NUSAP1: variants seen among roughly 807,000 people sequenced by gnomAD.
NUSAP1 encodes nucleolar and spindle associated protein 1.
In NUSAP1, 32 loss-of-function variants were observed where a neutral mutation model predicts 52.8. That is an observed-to-expected ratio of 0.61 (90% CI 0.46 to 0.81). NUSAP1 has a LOEUF of 0.81. Among genes scored for constraint, NUSAP1 ranks in the 40% least tolerant of loss-of-function variants. NUSAP1 has a pLI of 0.00. For missense variants in NUSAP1, 499 were observed against 522.3 expected, an observed-to-expected ratio of 0.96 and a Z score of 0.43; for synonymous variants, 195 against 183.1, an observed-to-expected ratio of 1.06 and a Z score of -0.52.
At chr15:41,344,971 A>G (rs1229676945) in intron 2 of NUSAP1, among the ~76,000 whole-genome samples, 1 of 152,084 alleles carries the variant, frequency 6.6e-6, no homozygotes, top group Non-Finnish European at 1.5e-5. Flanking sequence ...CACCGCACTT[A>G]TTTTTGCACC....
At chr15:41,358,950 G>A (rs968229316) in intron 6 of NUSAP1, among the ~76,000 whole-genome samples, 4 of 152,028 alleles carry the variant, frequency 2.6e-5, no homozygotes, top group East Asian at 1.9e-4. Context: ...CAGCTCCCTC[G>A]AGGGCTTTCA....
chr15:41,337,673 C>G (rs557171311), intron 1 of NUSAP1, among the ~76,000 whole-genome samples: 3 of 152,252 alleles, frequency 2.0e-5, no homozygotes, highest in Non-Finnish European at 4.4e-5. Context: ...TCCCTCTCTC[C>G]CCTCACCTGT....
chr15:41,380,037 TA>T (rs2050146606), intron 10 of NUSAP1, 55 bp from the exon 11 acceptor site: 1 of 1,306,076 alleles, frequency 7.7e-7, no homozygotes, highest in South Asian at 1.3e-5. Context: ...ATAGTTGCTT[TA>T]AAGTATCTGT....
intron 1 of NUSAP1, among the ~76,000 whole-genome samples, chr15:41,339,331 G>T (rs2048288215): frequency 6.6e-6 from 1 of 151,464 alleles, no homozygotes; most frequent in Admixed American, 6.6e-5. Flanking sequence ...TTAATATAGA[G>T]AAACCAAATA....
At chr15:41,359,608 G>A (rs540317238) in intron 6 of NUSAP1, among the ~76,000 whole-genome samples, 2 of 150,618 alleles carry the variant, frequency 1.3e-5, no homozygotes, top group South Asian at 2.1e-4. Context: ...TAAAACCACT[G>A]TTACAACCAT....
chr15:41,371,709 A>T (rs371919178), intron 8 of NUSAP1, 25 bp downstream of exon 8: 10 of 1,568,234 alleles, frequency 6.4e-6, no homozygotes, highest in Non-Finnish European at 8.6e-6. Flanking sequence ...AAACAAAAGA[A>T]ATCTGTTTCA....
chr15:41,377,698 C>CA (rs567198834), intron 10 of NUSAP1, among the ~76,000 whole-genome samples: 6,087 of 96,404 alleles, frequency 0.063, 282 homozygotes, highest in African/African-American at 0.16. Context: ...GGCGCCGTCT[C>CA]AAAAAAAAAA....
At chr15:41,371,454 GT>G in intron 7 of NUSAP1, 72 bp from the exon 8 acceptor site, 1 of 1,316,474 alleles carries the variant, frequency 7.6e-7, no homozygotes, top group African/African-American at 1.5e-5. Context: ...TAGTCAAGTG[GT>G]TTTATTTATA....
chr15:41,334,495 C>T (rs1039038350), intron 1 of NUSAP1, among the ~76,000 whole-genome samples: 10 of 152,174 alleles, frequency 6.6e-5, no homozygotes, highest in Non-Finnish European at 1.3e-4. Flanking sequence ...GGGGATATTT[C>T]TGGGCTGTAG....
In NUSAP1 at chr15:41,373,690, C is replaced by T. The variant is rs1012496770; in HGVS notation, c.1006+2006C>T. 3.4e-4 allele frequency among the ~76,000 whole-genome samples: 51 copies of T among 151,900 alleles called. 1 individual carries two copies. Among genetic ancestry groups the T allele is most frequent in the African/African-American group, 1.1e-3 (46 of 41,442 alleles). ...GTCTTGAACTCCTGACCTCGTGATC[C>T]GCTCACCTCGGCCTGCCAAAGTGCT... On this transcript the variant is annotated intron_variant, in intron 8 of 10. Coordinates refer to ENST00000559596, the MANE Select transcript of NUSAP1 (RefSeq NM_016359.5).
rs1189299840 is a variant in NUSAP1 at position 41,380,243 on chromosome 15, A to T, written c.*57A>T. On this transcript the variant is annotated 3_prime_UTR_variant, in exon 11 of 11. Coordinates refer to ENST00000559596, the MANE Select transcript of NUSAP1 (RefSeq NM_016359.5). Reference sequence around the variant, plus strand: ...ATTCTCAACTTTTTTCCTTTTGTAAATTTTTTTTTTTTGCTGTCATCCCCA... The same window carrying T: ...ATTCTCAACTTTTTTCCTTTTGTAATTTTTTTTTTTTTGCTGTCATCCCCA... 6.7e-5 allele frequency: 71 copies of T among 1,056,456 alleles called. No homozygotes were observed. The highest frequency in any genetic ancestry group is 3.3e-4 in the Admixed American group (12 of 36,880). 65.4% of individuals were successfully genotyped at this position (1,056,456 alleles called of 1,614,324 possible).
chr15:41,377,919 G>T (rs1460092582), intron 10 of NUSAP1, among the ~76,000 whole-genome samples: 5 of 151,932 alleles, frequency 3.3e-5, no homozygotes, highest in Non-Finnish European at 5.9e-5. Context: ...GAACCTGGGA[G>T]GCAGAGCTTA....
At chr15:41,353,299 C>CA (rs2048844466) in intron 4 of NUSAP1, among the ~76,000 whole-genome samples, 1 of 151,992 alleles carries the variant, frequency 6.6e-6, no homozygotes, top group Admixed American at 6.6e-5. Context: ...TACATGTGTG[C>CA]ACCACCATGT....
intron 6 of NUSAP1, among the ~76,000 whole-genome samples, chr15:41,364,110 G>C (rs1049061484): frequency 6.6e-6 from 1 of 152,114 alleles, no homozygotes; most frequent in Non-Finnish European, 1.5e-5. Flanking sequence ...GAGATTGCAG[G>C]TTGTGAGCCA....
intron 1 of NUSAP1, among the ~76,000 whole-genome samples, chr15:41,337,462 TCTC>T (rs1049877594): frequency 2.0e-5 from 3 of 152,124 alleles, no homozygotes; most frequent in African/African-American, 7.2e-5. Context: ...TTAGAGCCTC[TCTC>T]CTCATTAATT....
At position 41,332,972 on chromosome 15, in the gene NUSAP1, T is replaced by C; in HGVS notation, c.15T>C (p.Ser5=). Residue 5 remains serine, a synonymous_variant, in exon 1 of 11, where the codon TCT becomes TCC. Coordinates refer to ENST00000559596, the MANE Select transcript of NUSAP1 (RefSeq NM_016359.5). MIIP[S]LEELDSLKYS... Reference sequence around the variant, plus strand: ...TTCGAATCGCGATGATCATCCCCTCTCTAGAGGAGCTGGACTCCCTCAAGT... The same window carrying C: ...TTCGAATCGCGATGATCATCCCCTCCCTAGAGGAGCTGGACTCCCTCAAGT... 1.2e-6 allele frequency: 2 copies of C among 1,610,924 alleles called. No homozygotes were observed. Among genetic ancestry groups the C allele is most frequent in the African/African-American group, 1.3e-5 (1 of 74,968 alleles).
At chr15:41,334,483 T>C (rs936553396) in intron 1 of NUSAP1, among the ~76,000 whole-genome samples, 1 of 152,204 alleles carries the variant, frequency 6.6e-6, no homozygotes, top group African/African-American at 2.4e-5. Context: ...AGGGTTTTCC[T>C]TGGGGATATT....
chr15:41,379,839 G>T (rs10152497), intron 10 of NUSAP1, among the ~76,000 whole-genome samples: 48 of 152,164 alleles, frequency 3.2e-4, no homozygotes, highest in African/African-American at 1.1e-3. Flanking sequence ...GAGCCATCGC[G>T]CCCCGGCCTC....
Position 41,365,559 on chromosome 15 carries a change from C to A in NUSAP1, c.818C>A (p.Ser273Tyr). Residue 273 changes from serine (S) to tyrosine (Y), a missense_variant, in exon 7 of 11, where the codon TCT becomes TAT. Transcript: ENST00000559596. ...GGTCTGAAGGGGTCACTCAAGCGCT[C>A]TGCTATCTCTGCAGCTAAAACGGGT... ...TLGLKGSLKR[S>Y]AISAAKTGVR... 1 of 1,605,970 alleles carries A rather than the reference C, an allele frequency of 6.2e-7. No individual in the cohort carries two copies.
Sources: gnomAD v4.1 joint callset for allele counts (sites outside exome capture counted in the v4.1 genomes callset) on GRCh38, gnomAD v4.1.1 for gene constraint, MANE v1.5 for transcripts, NCBI Gene and HGNC (gene_info 2026-07-23, HGNC 2026-07-21) for gene names.